The following KLF3 variants were observed in gnomAD, a reference collection of about 807,000 sequenced individuals.
KLF3 encodes KLF transcription factor 3, also known as Krueppel-like factor 3.
A neutral mutation model predicts 32.7 loss-of-function variants in KLF3; 6 were observed. The ratio of observed to expected loss-of-function variants is 0.18; its 90% CI spans 0.10 to 0.36. The LOEUF is 0.36. Among genes scored for constraint, KLF3 ranks in the 10% least tolerant of loss-of-function variants. The pLI, the probability that KLF3 is intolerant of heterozygous loss-of-function variation, is 1.00. For synonymous variants in KLF3, 145 were observed against 172.8 expected, an observed-to-expected ratio of 0.84 and a Z score of 1.26; for missense variants, 338 against 449.7, an observed-to-expected ratio of 0.75 and a Z score of 2.25.
rs1339303501 is a variant in KLF3 at position 38,700,345 on chromosome 4, C to A, written c.*3082C>A. 1 of 152,158 alleles carries A rather than the reference C, an allele frequency of 6.6e-6. No individual in the cohort carries two copies. The highest frequency in any genetic ancestry group is 1.5e-5 in the Non-Finnish European group (1 of 68,022). The allele number at this position is 152,158 out of a possible 1,614,324, so 9.4% of individuals were successfully genotyped here. A position where few individuals can be genotyped will look rare whatever the true frequency, so the allele number is the denominator to read the frequency against. The stretch of plus-strand genomic sequence containing the variant: ...AATTTGAAAGACTATTTTGCTGATA[C>A]TGTATATATGCGCATCATTCCTGAT... On this transcript the variant is annotated 3_prime_UTR_variant, in exon 6 of 6. Coordinates refer to ENST00000261438, the MANE Select transcript of KLF3 (RefSeq NM_016531.6).
intron 1 of KLF3, among the ~76,000 whole-genome samples, chr4:38,666,395 T>C (rs980899601): frequency 6.6e-6 from 1 of 151,984 alleles, no homozygotes; most frequent in Non-Finnish European, 1.5e-5. Flanking sequence ...TTTCTTTTTT[T>C]TTTTCCTTAC....
intron 1 of KLF3, among the ~76,000 whole-genome samples, chr4:38,673,135 A>G (rs1336117424): frequency 6.6e-6 from 1 of 152,234 alleles, no homozygotes; most frequent in African/African-American, 2.4e-5. Context: ...ACTTCAGTGG[A>G]GAATCCTCAG....
chr4:38,686,149 T>A (rs1288164113), intron 2 of KLF3, among the ~76,000 whole-genome samples: 1 of 152,066 alleles, frequency 6.6e-6, no homozygotes, highest in Non-Finnish European at 1.5e-5. Context: ...TAAGCAGTAT[T>A]AGTAGTGAAA....
rs1029445894 is a variant in KLF3 at position 38,688,067 on chromosome 4, A to G, written c.58-518A>G. On this transcript the variant is annotated intron_variant, in intron 2 of 5. Coordinates refer to ENST00000261438, the MANE Select transcript of KLF3 (RefSeq NM_016531.6). The surrounding 1 kb of genome is among the most constrained non-coding windows in gnomAD (Gnocchi z 4.9). Reference sequence around the variant, plus strand: ...TATACACAAGTATGATGAGAAATCAATGTCCTGCTGAAGTTGAAGACACTA... The same window carrying G: ...TATACACAAGTATGATGAGAAATCAGTGTCCTGCTGAAGTTGAAGACACTA... 3.9e-5 allele frequency among the ~76,000 whole-genome samples: 6 copies of G among 152,202 alleles called. No homozygotes were observed. The highest frequency in any genetic ancestry group is 9.7e-5 in the African/African-American group (4 of 41,446).
intron 2 of KLF3, among the ~76,000 whole-genome samples, chr4:38,682,220 G>A (rs1321266371): frequency 6.6e-6 from 1 of 152,098 alleles, no homozygotes; most frequent in Non-Finnish European, 1.5e-5. Context: ...CACCACGCCC[G>A]GCTAATTTTT....
At chr4:38,677,731 A>T (rs1175875270) in intron 1 of KLF3, among the ~76,000 whole-genome samples, 1 of 152,190 alleles carries the variant, frequency 6.6e-6, no homozygotes, top group Admixed American at 6.5e-5. Context: ...AGGGTGGGGG[A>T]TAGACCTCTA....
intron 4 of KLF3, among the ~76,000 whole-genome samples, chr4:38,694,346 A>G (rs114477161): frequency 0.014 from 2,086 of 152,336 alleles, 20 homozygotes; most frequent in Non-Finnish European, 0.023. Flanking sequence ...GCCTAGAACC[A>G]CAAGATTCTA....
chr4:38,679,704 T>C (rs964262839), intron 1 of KLF3, among the ~76,000 whole-genome samples: 1 of 152,202 alleles, frequency 6.6e-6, no homozygotes, highest in Admixed American at 6.5e-5. Context: ...TGCAGAACCA[T>C]ACTTGGTGCA....
chr4:38,681,553 G>A (rs576474697), intron 2 of KLF3, among the ~76,000 whole-genome samples: 112 of 152,336 alleles, frequency 7.4e-4, no homozygotes, highest in African/African-American at 2.4e-3. Context: ...CCAGGGACTA[G>A]TGAGGAGTCT....
chr4:38,677,071 C>G (rs1317492259), intron 1 of KLF3, among the ~76,000 whole-genome samples: 1 of 148,976 alleles, frequency 6.7e-6, no homozygotes, highest in African/African-American at 2.5e-5. Context: ...AGCGATTATA[C>G]TGCCTCAGCC....
At chr4:38,676,156 C>T (rs1398649192) in intron 1 of KLF3, among the ~76,000 whole-genome samples, 1 of 152,120 alleles carries the variant, frequency 6.6e-6, no homozygotes, top group African/African-American at 2.4e-5. Context: ...AAATAATAAA[C>T]TTGGCCGGGT....
rs11455486 is a variant in KLF3 at position 38,674,434 on chromosome 4, C to CTTTTTTTTT, written c.-39-6149_-39-6141dup. Among the ~76,000 whole-genome samples the CTTTTTTTTT allele has an allele frequency of 6.8e-6, 1 of 146,568 alleles. No homozygotes were observed. On this transcript the variant is annotated intron_variant, in intron 1 of 5. Transcript: ENST00000261438. This position sits in a 1 kb window ranked among gnomAD's most constrained non-coding sequence, Gnocchi z 4.1. Reference sequence around the variant, plus strand: ...TTACACACACACATGCACACACCGCCTTTTTTTTTTTTCTTTTTTTGCCTT... The same window carrying CTTTTTTTTT: ...TTACACACACACATGCACACACCGCCTTTTTTTTTTTTTTTTTTTTTCTTTTTTTGCCTT...
intron 2 of KLF3, among the ~76,000 whole-genome samples, chr4:38,687,144 TAACTCTTA>T (rs1057151180): frequency 1.3e-5 from 2 of 152,236 alleles, no homozygotes; most frequent in Admixed American, 1.3e-4. Context: ...GTATTGCCTC[TAACTCTTA>T]AACACATAGG....
In KLF3 at chr4:38,700,552, C is replaced by T. The variant is rs1723169065; in HGVS notation, c.*3289C>T. On this transcript the variant is annotated 3_prime_UTR_variant, in exon 6 of 6. Coordinates refer to ENST00000261438, the MANE Select transcript of KLF3 (RefSeq NM_016531.6). ...CAAATTCACCTAAACAATACATTTA[C>T]AAAGCCATCTTTACATGCATTAAAC... 1 of 152,198 alleles carries T rather than the reference C, an allele frequency of 6.6e-6. No homozygotes were observed. The highest frequency in any genetic ancestry group is 2.4e-5 in the African/African-American group (1 of 41,458). The allele number at this position is 152,198 out of a possible 1,614,324, so 9.4% of individuals were successfully genotyped here. A position where few individuals can be genotyped will look rare whatever the true frequency, so the allele number is the denominator to read the frequency against.
chr4:38,673,013 G>A (rs951116014), intron 1 of KLF3, among the ~76,000 whole-genome samples: 2 of 152,186 alleles, frequency 1.3e-5, no homozygotes, highest in African/African-American at 4.8e-5. Context: ...GGGCCACGTT[G>A]ATAGCAGTGG....
intron 1 of KLF3, among the ~76,000 whole-genome samples, chr4:38,679,734 A>C (rs574059071): frequency 1.3e-5 from 2 of 152,228 alleles, no homozygotes; most frequent in Non-Finnish European, 2.9e-5. Context: ...TTACTGTAAA[A>C]GAAACATTTT....
At position 38,700,418 on chromosome 4, in the gene KLF3, T is replaced by C. The variant is rs972361713; in HGVS notation, c.*3155T>C. On this transcript the variant is annotated 3_prime_UTR_variant, in exon 6 of 6. Coordinates refer to ENST00000261438, the MANE Select transcript of KLF3 (RefSeq NM_016531.6). ...GAAAGATCTAAGGTTTTAAAATAAT[T>C]TGGTTTGAAAATATACAGTTGTCTT... 6.6e-6 allele frequency: 1 copy of C among 152,226 alleles called. No individual in the cohort carries two copies. Among genetic ancestry groups the C allele is most frequent in the Non-Finnish European group, 1.5e-5 (1 of 68,042 alleles). 9.4% of individuals were successfully genotyped at this position (152,226 alleles called of 1,614,324 possible). A position where few individuals can be genotyped will look rare whatever the true frequency, so the allele number is the denominator to read the frequency against.
chr4:38,665,830 T>C (rs1722017617), intron 1 of KLF3, among the ~76,000 whole-genome samples: 1 of 152,222 alleles, frequency 6.6e-6, no homozygotes, highest in Non-Finnish European at 1.5e-5. Flanking sequence ...AGCATTTTTA[T>C]AAGAGAAATT....
rs143738334 is a variant in KLF3 at position 38,676,238 on chromosome 4, C to T, written c.-39-4349C>T. ...GGCAGATCACTTGAGGTCAGGAGTT[C>T]GAGACCAGCCTAGCCAACATGGTGA... On this transcript the variant is annotated intron_variant, in intron 1 of 5. Transcript: ENST00000261438. Among the ~76,000 whole-genome samples, 123 of 152,084 alleles carry T rather than the reference C, an allele frequency of 8.1e-4. 1 individual carries two copies. Among genetic ancestry groups the T allele is most frequent in the African/African-American group, 2.7e-3 (111 of 41,490 alleles).
Sources: allele counts gnomAD v4.1 joint callset (sites outside exome capture counted in the v4.1 genomes callset), GRCh38; gene constraint gnomAD v4.1.1; non-coding constraint Gnocchi (gnomAD v3.1); transcripts MANE v1.5; gene names NCBI Gene and HGNC (gene_info 2026-07-23, HGNC 2026-07-21).